The following EYA4 variants were observed in gnomAD, a reference collection of about 807,000 sequenced individuals.
EYA4 encodes protein phosphatase EYA4.
Under a neutral mutation model 87.9 loss-of-function variants are expected in EYA4, and 31 were observed. That is an observed-to-expected ratio of 0.35 (90% CI 0.27 to 0.48). The LOEUF (loss-of-function observed/expected upper bound fraction) is 0.48. EYA4 is among the 20% of genes least tolerant of loss of function. The probability of loss-of-function intolerance (pLI) is 0.99; values close to 1 mark genes in which losing one functional copy is unlikely to be tolerated. For synonymous variants in EYA4, 263 were observed against 270.6 expected (o/e 0.97, Z 0.28); for missense variants, 678 against 761.4 (o/e 0.89, Z 1.29).
intron 13 of EYA4, among the ~76,000 whole-genome samples, chr6:133,492,684 TATA>T (rs972565527): frequency 2.6e-4 from 40 of 152,326 alleles, no homozygotes; most frequent in African/African-American, 6.7e-4. Context: ...TTGTAGATGA[TATA>T]ATCTTATTTT....
chr6:133,469,267 C>G (rs1795123361), intron 11 of EYA4, among the ~76,000 whole-genome samples: 1 of 152,024 alleles, frequency 6.6e-6, no homozygotes, highest in Non-Finnish European at 1.5e-5. Flanking sequence ...TTTGACACAG[C>G]TGAAGTATTT....
chr6:133,269,867 A>G (rs934786351), intron 1 of EYA4, among the ~76,000 whole-genome samples: 2 of 152,184 alleles, frequency 1.3e-5, no homozygotes, highest in African/African-American at 4.8e-5. Context: ...TAACAATCAC[A>G]GGGTCCTCCA....
chr6:133,428,453 A>C (rs1210169301), intron 3 of EYA4, among the ~76,000 whole-genome samples: 3 of 152,180 alleles, frequency 2.0e-5, no homozygotes, highest in Non-Finnish European at 4.4e-5. Flanking sequence ...ATCACTTAAA[A>C]TGGTTTCAAC....
intron 2 of EYA4, among the ~76,000 whole-genome samples, chr6:133,346,707 C>T (rs1783222249): frequency 6.6e-6 from 1 of 151,502 alleles, no homozygotes; most frequent in Non-Finnish European, 1.5e-5. Context: ...TGCTCATTTT[C>T]CTGTTCTCGG....
intron 1 of EYA4, among the ~76,000 whole-genome samples, chr6:133,272,804 A>G (rs1175760494): frequency 2.0e-5 from 3 of 152,056 alleles, no homozygotes; most frequent in Non-Finnish European, 4.4e-5. Context: ...CCTGTTCTGG[A>G]CCCCAGGCAG....
At chr6:133,525,039 T>C (rs1219063878) in intron 18 of EYA4, 115 bp from the exon 19 acceptor site, 3 of 1,613,500 alleles carry the variant, frequency 1.9e-6, no homozygotes, top group Admixed American at 1.7e-5. Context: ...TTTGAGCGTA[T>C]AGTGTCCAGA....
rs1042611917 is a variant in EYA4, at chr6:133,380,036, A to C, written c.34-2356A>C. 3.9e-5 allele frequency among the ~76,000 whole-genome samples: 6 copies of C among 152,132 alleles called. No individual in the cohort carries two copies. The South Asian group carries it at 6.2e-4, about 16-fold the overall frequency. ...TATTTCCCACATACAGTCTCTGAAGACTCAATTCAGAACTTACTTTCTTCA... is the reference window on the plus strand; with the variant it reads ...TATTTCCCACATACAGTCTCTGAAGCCTCAATTCAGAACTTACTTTCTTCA... On this transcript the variant is annotated intron_variant, in intron 2 of 19. Coordinates refer to ENST00000355286, the MANE Select transcript of EYA4 (RefSeq NM_004100.5).
intron 13 of EYA4, among the ~76,000 whole-genome samples, chr6:133,488,088 T>C (rs1796832759): frequency 1.3e-5 from 2 of 152,166 alleles, no homozygotes; most frequent in South Asian, 4.1e-4. Context: ...ACATCTGTGA[T>C]AGCTACACAT....
Position 133,529,025 on chromosome 6 carries a change from G to A in EYA4, c.*220G>A. 2 of 1,329,060 alleles carry A rather than the reference G, an allele frequency of 1.5e-6. No individual in the cohort carries two copies. Among genetic ancestry groups the A allele is most frequent in the Admixed American group, 3.1e-5 (1 of 32,184 alleles). The allele number at this position is 1,329,060 out of a possible 1,614,324, so 82.3% of individuals were successfully genotyped here. A position where few individuals can be genotyped will look rare whatever the true frequency, so the allele number is the denominator to read the frequency against. On this transcript the variant is annotated 3_prime_UTR_variant, in exon 20 of 20. Coordinates refer to ENST00000355286, the MANE Select transcript of EYA4 (RefSeq NM_004100.5). ...GGTCTTATATTTACAACACTTTAAT[G>A]GGTTTTTTAAAAATCTGTGGAGGTT...
At position 133,294,060 on chromosome 6, in the gene EYA4, T is replaced by A. The variant is rs7761058; in HGVS notation, c.33+19247T>A. 5.1e-4 allele frequency among the ~76,000 whole-genome samples: 48 copies of A among 94,892 alleles called. 1 individual carries two copies. The highest frequency in any genetic ancestry group is 5.4e-3 in the Middle Eastern group (1 of 184). 62.3% of individuals were successfully genotyped at this position (94,892 alleles called of 152,430 possible). ...ATATATATATATATATATATATATA[T>A]ATAATTCTATTCTATATATAACATT... On this transcript the variant is annotated intron_variant, in intron 2 of 19. Coordinates refer to ENST00000355286, the MANE Select transcript of EYA4 (RefSeq NM_004100.5).
intron 3 of EYA4, among the ~76,000 whole-genome samples, chr6:133,394,701 A>G (rs1787639797): frequency 6.6e-6 from 1 of 152,228 alleles, no homozygotes; most frequent in Non-Finnish European, 1.5e-5. Flanking sequence ...TGTTTAACAA[A>G]GTACCTGCCA....
Position 133,303,274 on chromosome 6 carries a change from G to T in EYA4, c.33+28461G>T, listed in dbSNP as rs1779552357. 2.0e-5 allele frequency among the ~76,000 whole-genome samples: 3 copies of T among 152,082 alleles called. No homozygotes were observed. The South Asian group carries it at 6.2e-4, about 32-fold the overall frequency. ...GTGACATACAGTAATTTTATATTTG[G>T]TAGGACTAGATACATTAATTTATTT... On this transcript the variant is annotated intron_variant, in intron 2 of 19. Transcript: ENST00000355286.
intron 2 of EYA4, among the ~76,000 whole-genome samples, chr6:133,328,236 A>T (rs1781656689): frequency 6.6e-6 from 1 of 152,210 alleles, no homozygotes; most frequent in South Asian, 2.1e-4. Context: ...TAAATGAAAC[A>T]ATACAAATAA....
chr6:133,431,337 G>A (rs938702120), intron 3 of EYA4, among the ~76,000 whole-genome samples: 1 of 152,152 alleles, frequency 6.6e-6, no homozygotes, highest in Non-Finnish European at 1.5e-5. Flanking sequence ...GGGAGAATAG[G>A]CTGTTCTAGG....
At chr6:133,332,881 GT>G (rs1045009924) in intron 2 of EYA4, among the ~76,000 whole-genome samples, 93 of 152,146 alleles carry the variant, frequency 6.1e-4, no homozygotes, top group Middle Eastern at 3.4e-3. Flanking sequence ...CTTATTTGCA[GT>G]TGTTTAGTCA....
rs1800921038 is a variant in EYA4 at position 133,530,078 on chromosome 6, A to T, written c.*1273A>T. On this transcript the variant is annotated 3_prime_UTR_variant, in exon 20 of 20. Coordinates refer to ENST00000355286, the MANE Select transcript of EYA4 (RefSeq NM_004100.5). ...CAGAAATGGAAGGCAGTTCTCCCAG[A>T]TGGTGTCTAATGAAAGCAATGAGTC... The T allele has an allele frequency of 2.0e-6, 2 of 985,010 alleles. No individual in the cohort carries two copies. The highest frequency in any genetic ancestry group is 1.2e-6 in the Non-Finnish European group (1 of 829,674). The allele number at this position is 985,010 out of a possible 1,614,324, so 61.0% of individuals were successfully genotyped here. A position where few individuals can be genotyped will look rare whatever the true frequency, so the allele number is the denominator to read the frequency against.
intron 13 of EYA4, among the ~76,000 whole-genome samples, chr6:133,502,896 T>C (rs1798259814): frequency 6.6e-6 from 1 of 152,146 alleles, no homozygotes; most frequent in South Asian, 2.1e-4. Flanking sequence ...ATACAGCTAG[T>C]TCACACTCCA....
At chr6:133,338,391 A>G (rs1782534397) in intron 2 of EYA4, among the ~76,000 whole-genome samples, 1 of 152,160 alleles carries the variant, frequency 6.6e-6, no homozygotes, top group Non-Finnish European at 1.5e-5. Context: ...TTTTTGTACT[A>G]TGTGTATTTT....
intron 2 of EYA4, among the ~76,000 whole-genome samples, chr6:133,297,125 T>A (rs1278288199): frequency 6.6e-6 from 1 of 152,180 alleles, no homozygotes; most frequent in African/African-American, 2.4e-5. Context: ...ATACTCTTTG[T>A]TTTAAGGTCC....
Sources: allele counts gnomAD v4.1 joint callset (sites outside exome capture counted in the v4.1 genomes callset), GRCh38; gene constraint gnomAD v4.1.1; transcripts MANE v1.5; gene names NCBI Gene and HGNC (gene_info 2026-07-23, HGNC 2026-07-21).